KCNIP4: variants seen among roughly 807,000 people sequenced by gnomAD.
KCNIP4 encodes the protein Kv channel-interacting protein 4.
KCNIP4 carries 12 observed loss-of-function variants against 34.0 expected under a neutral mutation model. The observed-to-expected ratio is 0.35, with a 90% CI of 0.23 to 0.57. The LOEUF (loss-of-function observed/expected upper bound fraction) is 0.57, where lower values mean the gene tolerates loss of function less well. Among genes scored for constraint, KCNIP4 ranks in the 20% least tolerant of loss-of-function variants. The probability of loss-of-function intolerance (pLI) is 0.83; values close to 1 mark genes in which losing one functional copy is unlikely to be tolerated. For missense variants in KCNIP4, 238 were observed against 311.7 expected (o/e 0.76, Z 1.78); for synonymous variants, 124 against 102.2 (o/e 1.21, Z -1.29).
chr4:20,934,304 T>A (rs1012581274), intron 1 of KCNIP4, among the ~76,000 whole-genome samples: 13 of 152,196 alleles, frequency 8.5e-5, no homozygotes, highest in African/African-American at 2.9e-4. Flanking sequence ...CCCAATGTCA[T>A]GTAGCATGGT....
chr4:21,042,119 G>A (rs1469907120), intron 1 of KCNIP4, among the ~76,000 whole-genome samples: 2 of 152,124 alleles, frequency 1.3e-5, no homozygotes, highest in Non-Finnish European at 2.9e-5. Flanking sequence ...TGTGAGATGG[G>A]AGCCGCCTTA....
At chr4:21,188,664 T>A (rs1755414688) in intron 1 of KCNIP4, among the ~76,000 whole-genome samples, 1 of 152,208 alleles carries the variant, frequency 6.6e-6, no homozygotes, top group African/African-American at 2.4e-5. Context: ...ATGAACTCCC[T>A]TTTTTCCATA....
chr4:20,731,882 G>A, intron 8 of KCNIP4, 124 bp downstream of exon 8: 1 of 1,467,480 alleles, frequency 6.8e-7, no homozygotes, highest in East Asian at 2.5e-5. Flanking sequence ...GCTGCATGTT[G>A]TAGAAGTGGT....
intron 1 of KCNIP4, among the ~76,000 whole-genome samples, chr4:21,924,020 G>C (rs531553398): frequency 6.6e-6 from 1 of 152,266 alleles, no homozygotes; most frequent in East Asian, 1.9e-4. Context: ...TTAAACCAGT[G>C]ATTGGGTTTC....
intron 1 of KCNIP4, among the ~76,000 whole-genome samples, chr4:21,705,583 G>T (rs1287313102): frequency 6.6e-6 from 1 of 152,080 alleles, no homozygotes; most frequent in Non-Finnish European, 1.5e-5. Context: ...ATGGGGAACG[G>T]GGAAAGAAAC....
chr4:21,556,920 C>CAAAAAAAAAAAAAAAAAAAA lies in KCNIP4; in HGVS notation c.61+391650_61+391651insTTTTTTTTTTTTTTTTTTTT, dbSNP rs1281543089. Among the ~76,000 whole-genome samples, 89 of 35,394 alleles carry CAAAAAAAAAAAAAAAAAAAA rather than the reference C, an allele frequency of 2.5e-3. 5 individuals carry two copies. Among genetic ancestry groups the CAAAAAAAAAAAAAAAAAAAA allele is most frequent in the East Asian group, 7.6e-3 (6 of 790 alleles). The allele number at this position is 35,394 out of a possible 152,430, so 23.2% of individuals were successfully genotyped here. On this transcript the variant is annotated intron_variant, in intron 1 of 8. Coordinates refer to ENST00000382152, the MANE Select transcript of KCNIP4 (RefSeq NM_025221.6). ...TGATCAACAAAGCAAGACTCCATCT[C>CAAAAAAAAAAAAAAAAAAAA]AGAAAAAAAAAAAAAAAAAAAAACC... is the stretch of plus-strand genomic sequence containing the variant.
At chr4:21,769,311 G>A (rs1279600819) in intron 1 of KCNIP4, among the ~76,000 whole-genome samples, 1 of 152,004 alleles carries the variant, frequency 6.6e-6, no homozygotes, top group Non-Finnish European at 1.5e-5. Context: ...AATGCCTTAT[G>A]TCCCTCTGCC....
At chr4:21,093,870 G>A (rs10019704) in intron 1 of KCNIP4, among the ~76,000 whole-genome samples, 17,870 of 152,078 alleles carry the variant, frequency 0.12, 1,441 homozygotes, top group African/African-American at 0.23. Flanking sequence ...ATCACAAGGT[G>A]AGGAGATCGA....
In KCNIP4 at chr4:20,737,361, C is replaced by T. The variant is rs139876080; in HGVS notation, c.430-2626G>A. 2.2e-4 allele frequency among the ~76,000 whole-genome samples: 33 copies of T among 152,260 alleles called. No homozygotes were observed. The East Asian group carries it at 3.7e-3, about 17-fold the overall frequency. ...GAGGTCACCAGCAAGTGATAGGGAACGGTCCAGTGGAGTAGGAGTGAAGAG... is the reference window on the plus strand; with the variant it reads ...GAGGTCACCAGCAAGTGATAGGGAATGGTCCAGTGGAGTAGGAGTGAAGAG... On this transcript the variant is annotated intron_variant, in intron 5 of 8. Transcript: ENST00000382152.
chr4:21,081,537 G>T (rs927755571), intron 1 of KCNIP4, among the ~76,000 whole-genome samples: 1 of 151,666 alleles, frequency 6.6e-6, no homozygotes, highest in Non-Finnish European at 1.5e-5. Context: ...AACTATAGAA[G>T]AAGAAATTAT....
intron 1 of KCNIP4, among the ~76,000 whole-genome samples, chr4:21,068,961 C>T (rs966797372): frequency 2.0e-5 from 3 of 152,138 alleles, no homozygotes; most frequent in African/African-American, 7.2e-5. Flanking sequence ...GCTTGAATTG[C>T]TGATCTACAT....
chr4:20,931,751 T>C (rs977002497), intron 1 of KCNIP4, among the ~76,000 whole-genome samples: 7 of 151,946 alleles, frequency 4.6e-5, no homozygotes, highest in African/African-American at 1.7e-4. Context: ...TATGCAGAGA[T>C]AGACAATAAG....
rs1348753731 is a variant in KCNIP4 at position 20,753,932 on chromosome 4, T to G, written c.359-4200A>C. Among the ~76,000 whole-genome samples, 3 of 152,066 alleles carry G rather than the reference T, an allele frequency of 2.0e-5. No individual in the cohort carries two copies. In the South Asian group the frequency reaches 6.2e-4, roughly 32 times the overall value. ...TTCATTCATTCATTCATTCATTCAT[T>G]CATTCAACAACTGTTTATTATATGC... On this transcript the variant is annotated intron_variant, in intron 4 of 8. Coordinates refer to ENST00000382152, the MANE Select transcript of KCNIP4 (RefSeq NM_025221.6).
chr4:21,181,612 G>T (rs1275899178), intron 1 of KCNIP4, among the ~76,000 whole-genome samples: 1 of 152,036 alleles, frequency 6.6e-6, no homozygotes, highest in Non-Finnish European at 1.5e-5. Flanking sequence ...CTCCATTTAG[G>T]GAGTTTTTCA....
intron 1 of KCNIP4, among the ~76,000 whole-genome samples, chr4:21,891,635 C>T (rs1463123321): frequency 5.9e-5 from 9 of 152,014 alleles, no homozygotes; most frequent in African/African-American, 2.2e-4. Flanking sequence ...TTAACATCAA[C>T]GAGTAAACAA....
intron 2 of KCNIP4, among the ~76,000 whole-genome samples, chr4:20,879,445 T>G (rs1383618857): frequency 6.6e-6 from 1 of 152,238 alleles, no homozygotes; most frequent in African/African-American, 2.4e-5. Flanking sequence ...GATATTTGTC[T>G]GATAGTCTTC....
chr4:21,611,189 G>C (rs987840026), intron 1 of KCNIP4, among the ~76,000 whole-genome samples: 21 of 152,260 alleles, frequency 1.4e-4, no homozygotes, highest in Admixed American at 1.1e-3. Flanking sequence ...TGGTGTATAT[G>C]TGTCACATTT....
At chr4:21,825,597 T>C (rs1333125256) in intron 1 of KCNIP4, among the ~76,000 whole-genome samples, 1 of 152,172 alleles carries the variant, frequency 6.6e-6, no homozygotes, top group African/African-American at 2.4e-5. Flanking sequence ...GTGAAGATGC[T>C]TTAAAAGCTT....
At chr4:21,155,054 C>T (rs1189265437) in intron 1 of KCNIP4, among the ~76,000 whole-genome samples, 1 of 152,054 alleles carries the variant, frequency 6.6e-6, no homozygotes, top group African/African-American at 2.4e-5. Context: ...TTTAATTTTG[C>T]AGTCCCTACA....
Sources: allele counts gnomAD v4.1 joint callset (sites outside exome capture counted in the v4.1 genomes callset), GRCh38; gene constraint gnomAD v4.1.1; transcripts MANE v1.5; gene names NCBI Gene and HGNC (gene_info 2026-07-23, HGNC 2026-07-21).